Variants in ADAMTS17 observed in about 807,000 individuals in gnomAD.
ADAMTS17 encodes the protein A disintegrin and metalloproteinase with thrombospondin motifs 17.
Under a neutral mutation model 141.5 loss-of-function variants are expected in ADAMTS17, and 113 were observed. The observed-to-expected ratio is 0.80, with a 90% CI of 0.69 to 0.93. The LOEUF (loss-of-function observed/expected upper bound fraction) is 0.93, where lower values mean the gene tolerates loss of function less well. ADAMTS17 is among the 40% of genes least tolerant of loss of function. The pLI is 0.00. For missense variants in ADAMTS17, 1,659 were observed against 1,517.9 expected (o/e 1.09, Z -1.54); for synonymous variants, 768 against 630.6 (o/e 1.22, Z -3.27).
At chr15:99,977,382 ATATATATATATATATATAATTTT>A (rs2060375143) in intron 20 of ADAMTS17, among the ~76,000 whole-genome samples, 1 of 20,928 alleles carries the variant, frequency 4.8e-5, no homozygotes, top group African/African-American at 2.2e-4. Context: ...ATATATATAT[ATATATATATATATATATAATTTT>A]TTTTTTTTTT....
At chr15:99,979,176 G>C (rs980561354) in intron 20 of ADAMTS17, 4 of 152,114 alleles carry the variant, frequency 2.6e-5, no homozygotes, top group African/African-American at 9.7e-5. Context: ...GGATCACGAG[G>C]TGAGGAGTTT....
intron 8 of ADAMTS17, among the ~76,000 whole-genome samples, chr15:100,156,129 G>T (rs1470058293): frequency 6.6e-6 from 1 of 152,220 alleles, no homozygotes; most frequent in Non-Finnish European, 1.5e-5. Flanking sequence ...CAAGTGCCAG[G>T]TAACGGACCA....
chr15:100,195,235 C>G (rs1166874596), intron 8 of ADAMTS17, among the ~76,000 whole-genome samples: 1 of 152,238 alleles, frequency 6.6e-6, no homozygotes, highest in African/African-American at 2.4e-5. Flanking sequence ...CAGCTTCTCA[C>G]ACAGCACCTG....
intron 15 of ADAMTS17, among the ~76,000 whole-genome samples, chr15:100,091,089 G>C (rs2035440480): frequency 6.6e-6 from 1 of 150,620 alleles, no homozygotes. Context: ...CCACAAACCG[G>C]GGAAACTGCC....
At chr15:100,288,532 A>G (rs2044523520) in intron 3 of ADAMTS17, among the ~76,000 whole-genome samples, 1 of 152,228 alleles carries the variant, frequency 6.6e-6, no homozygotes, top group Admixed American at 6.5e-5. Context: ...AGACAACTAC[A>G]AAACTCTCCG....
intron 18 of ADAMTS17, among the ~76,000 whole-genome samples, chr15:100,000,427 C>A (rs1056595896): frequency 6.6e-6 from 1 of 152,212 alleles, no homozygotes; most frequent in African/African-American, 2.4e-5. Context: ...TTCCAGAGGA[C>A]AACATGGCCC....
chr15:100,302,690 T>C (rs1596479903), intron 3 of ADAMTS17, among the ~76,000 whole-genome samples: 1 of 152,192 alleles, frequency 6.6e-6, no homozygotes, highest in Admixed American at 6.5e-5. Context: ...TTGTATACCT[T>C]CTTTAGAGAA....
intron 7 of ADAMTS17, among the ~76,000 whole-genome samples, chr15:100,201,272 G>T (rs1596260793): frequency 6.6e-6 from 1 of 152,118 alleles, no homozygotes; most frequent in East Asian, 1.9e-4. Context: ...GCCGTTCTTG[G>T]GACAGTGAGT....
chr15:100,114,042 G>A (rs1446176265), intron 13 of ADAMTS17, among the ~76,000 whole-genome samples: 1 of 152,138 alleles, frequency 6.6e-6, no homozygotes, highest in Admixed American at 6.5e-5. Context: ...CTGTCTAAAG[G>A]CTTTTCCATT....
intron 18 of ADAMTS17, among the ~76,000 whole-genome samples, chr15:100,027,337 A>G (rs1253970773): frequency 2.6e-5 from 4 of 151,886 alleles, no homozygotes; most frequent in Admixed American, 2.0e-4. Context: ...TAACATTTAC[A>G]TATTATTTTT....
At chr15:100,272,858 G>C (rs986679725) in intron 4 of ADAMTS17, among the ~76,000 whole-genome samples, 4 of 151,836 alleles carry the variant, frequency 2.6e-5, no homozygotes, top group African/African-American at 9.7e-5. Context: ...ATAATGTTGA[G>C]GTAGTTTCCT....
intron 3 of ADAMTS17, among the ~76,000 whole-genome samples, chr15:100,327,511 C>T (rs1380779559): frequency 6.6e-6 from 1 of 152,168 alleles, no homozygotes; most frequent in Non-Finnish European, 1.5e-5. Flanking sequence ...TTCTATTTCA[C>T]CATCTACTTC....
chr15:100,209,110 TAGCAAAA>T (rs2041693821), intron 7 of ADAMTS17, among the ~76,000 whole-genome samples: 1 of 24,380 alleles, frequency 4.1e-5, no homozygotes, highest in African/African-American at 1.6e-4. Flanking sequence ...TTTGCCAAGT[TAGCAAAA>T]AAAAAAAAAA....
At chr15:100,300,967 T>A (rs1161366566) in intron 3 of ADAMTS17, among the ~76,000 whole-genome samples, 1 of 152,244 alleles carries the variant, frequency 6.6e-6, no homozygotes. Flanking sequence ...CTGTGTTTAA[T>A]GTTAGCCTCT....
intron 18 of ADAMTS17, among the ~76,000 whole-genome samples, chr15:100,000,943 T>G (rs902618537): frequency 6.6e-6 from 1 of 152,216 alleles, no homozygotes; most frequent in Non-Finnish European, 1.5e-5. Context: ...TGAGAAATGG[T>G]GAAAGCTTTC....
intron 6 of ADAMTS17, among the ~76,000 whole-genome samples, chr15:100,257,354 C>T (rs2043361165): frequency 6.6e-6 from 1 of 152,250 alleles, no homozygotes; most frequent in African/African-American, 2.4e-5. Context: ...CTGCCCGACT[C>T]CACTGCGGCC....
rs527281063 is a variant in ADAMTS17, at chr15:100,077,610, G to A, written c.2137+18746C>T. On this transcript the variant is annotated intron_variant, in intron 15 of 21. Transcript: ENST00000268070. ...TACTCAACAAACTAGGAATAGAAGGGAGCATGCTCAACCTGATAAAGGGCA... is the reference window on the plus strand; with the variant it reads ...TACTCAACAAACTAGGAATAGAAGGAAGCATGCTCAACCTGATAAAGGGCA... Among the ~76,000 whole-genome samples, 16 of 152,148 alleles carry A rather than the reference G, an allele frequency of 1.1e-4. No homozygotes were observed. The South Asian group carries it at 3.3e-3, about 32-fold the overall frequency.
At chr15:100,262,789 A>AC (rs980226381) in intron 4 of ADAMTS17, among the ~76,000 whole-genome samples, 1 of 151,620 alleles carries the variant, frequency 6.6e-6, no homozygotes, top group African/African-American at 2.4e-5. Flanking sequence ...TACTAAAAAA[A>AC]AAAAAAAACA....
chr15:100,288,289 T>C (rs949597653), intron 3 of ADAMTS17, among the ~76,000 whole-genome samples: 1 of 152,234 alleles, frequency 6.6e-6, no homozygotes, highest in Non-Finnish European at 1.5e-5. Flanking sequence ...CATTACATAA[T>C]GGTAAAGGGT....
Sources: gnomAD v4.1 joint callset for allele counts (sites outside exome capture counted in the v4.1 genomes callset) on GRCh38, gnomAD v4.1.1 for gene constraint, MANE v1.5 for transcripts, NCBI Gene and HGNC (gene_info 2026-07-23, HGNC 2026-07-21) for gene names.